SLC16A12: variants seen among roughly 807,000 people sequenced by gnomAD.
The protein encoded by SLC16A12 is monocarboxylate transporter 12.
A neutral mutation model predicts 42.4 loss-of-function variants in SLC16A12; 17 were observed. The observed-to-expected ratio is 0.40, with a 90% CI of 0.27 to 0.60. SLC16A12 has a LOEUF of 0.60. SLC16A12 is among the 20% of genes least tolerant of loss of function. SLC16A12 has a pLI of 0.42. For synonymous variants in SLC16A12, 224 were observed against 229.4 expected (o/e 0.98, Z 0.21); for missense variants, 544 against 623.0 (o/e 0.87, Z 1.35).
chr10:89,525,808 C>T (rs900576157), intron 2 of SLC16A12, among the ~76,000 whole-genome samples: 12 of 152,194 alleles, frequency 7.9e-5, no homozygotes, highest in African/African-American at 2.2e-4. Flanking sequence ...TTGACCTAAA[C>T]GTCCATGGGA....
At chr10:89,472,653 C>T (rs1170471598) in intron 2 of SLC16A12, among the ~76,000 whole-genome samples, 5 of 151,480 alleles carry the variant, frequency 3.3e-5, no homozygotes, top group Non-Finnish European at 5.9e-5. Context: ...CAACCATGCC[C>T]AGCTAATTTT....
At chr10:89,475,919 G>A (rs1188646370) in intron 2 of SLC16A12, among the ~76,000 whole-genome samples, 1 of 152,152 alleles carries the variant, frequency 6.6e-6, no homozygotes, top group East Asian at 1.9e-4. Context: ...CTAATCCACA[G>A]AGCCACCGAT....
chr10:89,539,585 GAA>G (rs1032417064), upstream of SLC16A12, among the ~76,000 whole-genome samples: 1 of 152,066 alleles, frequency 6.6e-6, no homozygotes, highest in Admixed American at 6.5e-5. Context: ...ACTCAGTACA[GAA>G]AAAAAGGGAA....
intron 2 of SLC16A12, among the ~76,000 whole-genome samples, chr10:89,488,919 T>C (rs2133803155): frequency 6.6e-6 from 1 of 152,304 alleles, no homozygotes; most frequent in African/African-American, 2.4e-5. Context: ...AGGAAACGAC[T>C]GGGGAGTGGC....
chr10:89,441,118 T>C lies in SLC16A12; in HGVS notation c.438A>G (p.Gly146=). The C allele has an allele frequency of 6.2e-7, 1 of 1,613,878 alleles. No individual in the cohort carries two copies. Among genetic ancestry groups the C allele is most frequent in the Non-Finnish European group, 8.5e-7 (1 of 1,179,814 alleles). The change falls in exon 5 of 8, where the codon GGA becomes GGG. Residue 146 remains glycine, a synonymous_variant. Coordinates refer to ENST00000371790, the MANE Select transcript of SLC16A12 (RefSeq NM_213606.4). Reference sequence around the variant, plus strand: ...ACAAAGTGCCCTTACCTGTAAGAACTCCCAGAGTGAGGTAGAGATGCTTCA... The same window carrying C: ...ACAAAGTGCCCTTACCTGTAAGAACCCCCAGAGTGAGGTAGAGATGCTTCA... The part of the protein sequence containing the change: ...TSLKHLYLTL[G]VLTGLGFALC...
rs1841857381 is a variant in SLC16A12 at position 89,439,043 on chromosome 10, G to C, written c.589C>G (p.Leu197Val). The C allele has an allele frequency of 6.2e-7, 1 of 1,613,686 alleles. No homozygotes were observed. The highest frequency in any genetic ancestry group is 1.3e-5 in the African/African-American group (1 of 74,884). ...CCCCGCCAGGAAAACTGTTCAATAAGGAGCTGAACCACAGGAGCCAGGATG... is the reference window on the plus strand; with the variant it reads ...CCCCGCCAGGAAAACTGTTCAATAACGAGCTGAACCACAGGAGCCAGGATG... Reference protein sequence around the residue: ...TFILAPVVQLLIEQFSWRGAL... With the variant: ...TFILAPVVQLVIEQFSWRGAL... Residue 197 changes from leucine to valine, a missense_variant, in exon 6 of 8, where the codon CTT (leucine) becomes GTT (valine). Leu to Val is a conservative substitution (Grantham distance 32). Transcript: ENST00000371790.
intron 2 of SLC16A12, among the ~76,000 whole-genome samples, chr10:89,519,513 T>G (rs886285245): frequency 6.6e-6 from 1 of 152,086 alleles, no homozygotes; most frequent in Non-Finnish European, 1.5e-5. Flanking sequence ...AAAAAACAGA[T>G]GTGTCTGTAA....
chr10:89,447,882 G>C (rs969965062), intron 3 of SLC16A12, among the ~76,000 whole-genome samples: 20 of 152,120 alleles, frequency 1.3e-4, no homozygotes, highest in African/African-American at 4.6e-4. Flanking sequence ...AAGAAGAAAA[G>C]AGAGAAGAAT....
chr10:89,441,369 C>T, intron 4 of SLC16A12, 118 bp from the exon 5 acceptor site: 2 of 1,288,648 alleles, frequency 1.6e-6, no homozygotes, highest in South Asian at 2.5e-5. Context: ...CCTATTAATT[C>T]TGCAGCTTTG....
chr10:89,528,278 T>A (rs1843487793), intron 2 of SLC16A12, among the ~76,000 whole-genome samples: 1 of 152,230 alleles, frequency 6.6e-6, no homozygotes, highest in Non-Finnish European at 1.5e-5. Flanking sequence ...GTATTAAGGT[T>A]GACAACTCAA....
intron 2 of SLC16A12, among the ~76,000 whole-genome samples, chr10:89,552,381 C>A (rs1362002227): frequency 6.6e-6 from 1 of 152,198 alleles, no homozygotes; most frequent in African/African-American, 2.4e-5. Context: ...AAATTATAGG[C>A]TTCTGGCCAA....
chr10:89,495,238 C>T (rs752087012), intron 2 of SLC16A12, among the ~76,000 whole-genome samples: 1 of 152,032 alleles, frequency 6.6e-6, no homozygotes, highest in Non-Finnish European at 1.5e-5. Context: ...CCTGTAGTCC[C>T]AGCTGCTTGG....
intron 2 of SLC16A12, among the ~76,000 whole-genome samples, chr10:89,496,823 A>C (rs1842928151): frequency 6.6e-6 from 1 of 152,204 alleles, no homozygotes; most frequent in Admixed American, 6.5e-5. Context: ...GACAATAAAA[A>C]AGCAAGACAG....
chr10:89,520,053 C>T (rs1007596682), intron 2 of SLC16A12, among the ~76,000 whole-genome samples: 5 of 149,262 alleles, frequency 3.3e-5, no homozygotes, highest in African/African-American at 1.2e-4. Context: ...GTGGAGGTTG[C>T]AGTGAGCCGA....
At chr10:89,543,672 A>T (rs1249448432) in intron 2 of SLC16A12, among the ~76,000 whole-genome samples, 2 of 152,148 alleles carry the variant, frequency 1.3e-5, no homozygotes, top group African/African-American at 4.8e-5. Flanking sequence ...CTACCAAAAA[A>T]AAAAGTTAAA....
At position 89,530,499 on chromosome 10, in the gene SLC16A12, G is replaced by A. The variant is rs565932393; in HGVS notation, c.-47+4002C>T. ...GTGGCGGGATCTTGGCTCACTGCAA[G>A]CTCCGCCTCCTGGGTTCATGCCATT... On this transcript the variant is annotated intron_variant, in intron 2 of 7. Transcript: ENST00000371790. Among the ~76,000 whole-genome samples the A allele has an allele frequency of 9.9e-5, 15 of 151,472 alleles. 1 individual carries two copies. The South Asian group carries it at 3.1e-3, about 32-fold the overall frequency.
chr10:89,442,287 A>G (rs303168), intron 4 of SLC16A12, among the ~76,000 whole-genome samples: 2,392 of 152,272 alleles, frequency 0.016, 23 homozygotes, highest in Non-Finnish European at 0.019. Context: ...TTCTAATATT[A>G]TGTTACAAGG....
intron 2 of SLC16A12, among the ~76,000 whole-genome samples, chr10:89,531,225 A>G (rs2133870482): frequency 6.8e-6 from 1 of 147,518 alleles, no homozygotes; most frequent in East Asian, 2.2e-4. Context: ...TCCTGTCTCT[A>G]CTAAAAAAAA....
In SLC16A12 at chr10:89,430,956, A is replaced by T; in HGVS notation, c.*2108T>A. ...TATTTAGGGCAAAGTGCTATTCCAA[A>T]CAGATATAACTTCATCTTAACTTTG... is the stretch of plus-strand genomic sequence containing the variant. On this transcript the variant is annotated 3_prime_UTR_variant, in exon 8 of 8. Transcript: ENST00000371790. 1 of 318,844 alleles carries T rather than the reference A, an allele frequency of 3.1e-6. No individual in the cohort carries two copies. Among genetic ancestry groups the T allele is most frequent in the Non-Finnish European group, 6.0e-6 (1 of 166,298 alleles). The allele number at this position is 318,844 out of a possible 1,614,324, so 19.8% of individuals were successfully genotyped here.
Sources: allele counts gnomAD v4.1 joint callset (sites outside exome capture counted in the v4.1 genomes callset), GRCh38; gene constraint gnomAD v4.1.1; transcripts MANE v1.5; gene names NCBI Gene and HGNC (gene_info 2026-07-23, HGNC 2026-07-21).